Variants in BAZ2B observed in about 807,000 individuals in gnomAD.
BAZ2B encodes the protein bromodomain adjacent to zinc finger domain protein 2B.
BAZ2B carries 91 observed loss-of-function variants against 246.0 expected under a neutral mutation model. That is an observed-to-expected ratio of 0.37 (90% CI 0.31 to 0.44). The LOEUF (loss-of-function observed/expected upper bound fraction) is 0.44. Among genes scored for constraint, BAZ2B ranks in the 20% least tolerant of loss-of-function variants. The pLI, the probability that BAZ2B is intolerant of heterozygous loss-of-function variation, is 1.00. For missense variants in BAZ2B, 2,332 were observed against 2,533.7 expected, an observed-to-expected ratio of 0.92 and a Z score of 1.71; for synonymous variants, 855 against 860.0, an observed-to-expected ratio of 0.99 and a Z score of 0.10.
At chr2:159,560,087 A>G (rs2089671965) in intron 1 of BAZ2B, among the ~76,000 whole-genome samples, 1 of 152,188 alleles carries the variant, frequency 6.6e-6, no homozygotes, top group Non-Finnish European at 1.5e-5. Context: ...GCCCCAAAAC[A>G]AAGTCTTTCT....
the BAZ2B span, among the ~76,000 whole-genome samples, chr2:159,673,923 A>G: frequency 2.0e-5 from 3 of 152,242 alleles, no homozygotes; most frequent in Non-Finnish European, 4.4e-5. Context: ...TTATCTAAAG[A>G]AGATGAGTGA....
intron 17 of BAZ2B, among the ~76,000 whole-genome samples, chr2:159,399,552 C>T (rs1307506367): frequency 6.6e-6 from 1 of 151,884 alleles, no homozygotes; most frequent in Non-Finnish European, 1.5e-5. Context: ...TGCTATTTAT[C>T]AAACATAAGC....
At chr2:159,584,770 G>C (rs1177771310) in intron 1 of BAZ2B, among the ~76,000 whole-genome samples, 1 of 152,150 alleles carries the variant, frequency 6.6e-6, no homozygotes, top group Non-Finnish European at 1.5e-5. Context: ...AGTGGAGCCT[G>C]GTGGGAGGTG....
At chr2:159,451,552 T>G (rs1248527002) in intron 4 of BAZ2B, among the ~76,000 whole-genome samples, 1 of 152,202 alleles carries the variant, frequency 6.6e-6, no homozygotes, top group Admixed American at 6.5e-5. Context: ...GCAAAAAGTA[T>G]GCTCATCTAG....
chr2:159,530,747 A>G (rs767886468), intron 2 of BAZ2B, among the ~76,000 whole-genome samples: 1 of 152,144 alleles, frequency 6.6e-6, no homozygotes, highest in South Asian at 2.1e-4. Context: ...AGGTTGGTGG[A>G]TCACTTGAGA....
At chr2:159,579,973 G>A (rs1421343269) in intron 1 of BAZ2B, among the ~76,000 whole-genome samples, 3 of 152,150 alleles carry the variant, frequency 2.0e-5, no homozygotes, top group African/African-American at 7.2e-5. Flanking sequence ...TACTGAATGG[G>A]CAAAAACTGG....
At chr2:159,443,915 T>C (rs1012019326) in intron 6 of BAZ2B, among the ~76,000 whole-genome samples, 2 of 152,180 alleles carry the variant, frequency 1.3e-5, no homozygotes, top group East Asian at 1.9e-4. Flanking sequence ...TCTTGTACAA[T>C]GCCTTACACA....
In BAZ2B at chr2:159,386,473, G is replaced by T; in HGVS notation, c.3351C>A (p.Asn1117Lys). ...GCAATCCCTCTTGAAGAACACTCAG[G>T]TTTGGAACATCAATATTCACATCAA... ...LGFDVNIDVP[N>K]LSVLQEGLLN... The change falls in exon 22 of 37, where the codon AAC becomes AAA. Residue 1117 changes from asparagine (N) to lysine (K), a missense_variant. Around this residue, in one of 9 missense-constraint regions of BAZ2B, gnomAD observed 328 missense variants for 410.4 expected, o/e 0.80. Transcript: ENST00000392783. 1 of 1,613,504 alleles carries T rather than the reference G, an allele frequency of 6.2e-7. No individual in the cohort carries two copies. Among genetic ancestry groups the T allele is most frequent in the Non-Finnish European group, 8.5e-7 (1 of 1,179,768 alleles).
In BAZ2B at chr2:159,429,274, C is replaced by T; in HGVS notation, c.2195-14G>A. On this transcript the variant is annotated splice_polypyrimidine_tract_variant and intron_variant, in intron 10 of 36. Transcript: ENST00000392783. ...TTTTGGAAGTGCCTTTAAAAAAATTCAATTGGTTAATATAAAACATTCATT... is the reference window on the plus strand; with the variant it reads ...TTTTGGAAGTGCCTTTAAAAAAATTTAATTGGTTAATATAAAACATTCATT... 4 of 1,509,208 alleles carry T rather than the reference C, an allele frequency of 2.7e-6. No homozygotes were observed. The highest frequency in any genetic ancestry group is 3.6e-6 in the Non-Finnish European group (4 of 1,110,428). The allele number at this position is 1,509,208 out of a possible 1,614,324, so 93.5% of individuals were successfully genotyped here.
At chr2:159,674,470 T>C in the BAZ2B span, among the ~76,000 whole-genome samples, 1 of 151,396 alleles carries the variant, frequency 6.6e-6, no homozygotes, top group Non-Finnish European at 1.5e-5. Context: ...TTCCCAGCAC[T>C]TTGGGAGGTT....
chr2:159,579,866 C>T (rs916554014), intron 1 of BAZ2B, among the ~76,000 whole-genome samples: 1 of 152,172 alleles, frequency 6.6e-6, no homozygotes, highest in Non-Finnish European at 1.5e-5. Flanking sequence ...CAAAATTTAA[C>T]AGCCCTTCAT....
the BAZ2B span, among the ~76,000 whole-genome samples, chr2:159,711,128 T>C: frequency 1.6e-3 from 244 of 152,284 alleles, no homozygotes; most frequent in East Asian, 0.015. Context: ...GGGGTGGAAT[T>C]TGAAGCCATA....
chr2:159,431,078 T>A lies in BAZ2B; in HGVS notation c.1979A>T (p.Asp660Val). Reference protein sequence around the residue: ...DDDDKDQDESDSDTEGEKTSM... With the variant: ...DDDDKDQDESVSDTEGEKTSM... ...AGTTTTCTCTCCTTCAGTATCACTA[T>A]CTGATTCATCTTGGTCTTTATCATC... Residue 660 changes from aspartate (D) to valine (V), a missense_variant, in exon 10 of 37, where the codon GAT becomes GTT. Transcript: ENST00000392783. The A allele has an allele frequency of 6.2e-7, 1 of 1,614,060 alleles. No homozygotes were observed. Among genetic ancestry groups the A allele is most frequent in the South Asian group, 1.1e-5 (1 of 91,088 alleles).
chr2:159,470,207 A>G (rs2150778681), intron 3 of BAZ2B, among the ~76,000 whole-genome samples: 1 of 152,364 alleles, frequency 6.6e-6, no homozygotes, highest in South Asian at 2.1e-4. Context: ...AATCATTTCA[A>G]AAAGTGCAGA....
At chr2:159,680,663 T>A in the BAZ2B span, among the ~76,000 whole-genome samples, 1 of 152,138 alleles carries the variant, frequency 6.6e-6, no homozygotes, top group Non-Finnish European at 1.5e-5. Flanking sequence ...TAATAAGGGA[T>A]CAGAGACAGG....
chr2:159,570,147 C>A (rs994352408), intron 1 of BAZ2B, among the ~76,000 whole-genome samples: 3 of 151,200 alleles, frequency 2.0e-5, no homozygotes, highest in Non-Finnish European at 4.4e-5. Flanking sequence ...ACCAAATTCA[C>A]TTTAGAAAAC....
In BAZ2B at chr2:159,446,851, A is replaced by G; in HGVS notation, c.627T>C (p.Asn209=). ...QTKSTSSGGG[N]RKCNQEQSKN... Reference sequence around the variant, plus strand: ...TGCTTTGTTCCTGATTACATTTTCGATTTCCTCCACCTGAGCTTGTACTTT... The same window carrying G: ...TGCTTTGTTCCTGATTACATTTTCGGTTTCCTCCACCTGAGCTTGTACTTT... The change falls in exon 6 of 37, where the codon AAT becomes AAC. Residue 209 remains asparagine (N), a synonymous_variant. Coordinates refer to ENST00000392783, the MANE Select transcript of BAZ2B (RefSeq NM_013450.4). The G allele has an allele frequency of 1.2e-6, 2 of 1,613,490 alleles. No individual in the cohort carries two copies. Among genetic ancestry groups the G allele is most frequent in the South Asian group, 1.1e-5 (1 of 91,036 alleles).
At chr2:159,521,819 G>C (rs2084166806) in intron 2 of BAZ2B, among the ~76,000 whole-genome samples, 1 of 151,956 alleles carries the variant, frequency 6.6e-6, no homozygotes, top group African/African-American at 2.4e-5. Flanking sequence ...TTTCTATAGA[G>C]AATTGTTGGA....
chr2:159,345,444 T>C (rs11884022), intron 31 of BAZ2B, among the ~76,000 whole-genome samples: 14,925 of 152,212 alleles, frequency 0.098, 874 homozygotes, highest in African/African-American at 0.17. Flanking sequence ...TACTCCATGA[T>C]ACTGTACATT....
Sources: gnomAD v4.1 joint callset for allele counts (sites outside exome capture counted in the v4.1 genomes callset) on GRCh38, gnomAD v4.1.1 for gene constraint, gnomAD v4.1.1 regional missense constraint, MANE v1.5 for transcripts, NCBI Gene and HGNC (gene_info 2026-07-23, HGNC 2026-07-21) for gene names.